Variants in ZNF385C observed in about 807,000 individuals in gnomAD.
The protein encoded by ZNF385C is CTD-2132N18.2.
A neutral mutation model predicts 35.4 loss-of-function variants in ZNF385C; 28 were observed. That is an observed-to-expected ratio of 0.79 (90% confidence interval 0.59 to 1.08). The LOEUF (loss-of-function observed/expected upper bound fraction) is 1.08, where lower values mean the gene tolerates loss of function less well. ZNF385C is among the 50% of genes least tolerant of loss of function. The probability of loss-of-function intolerance (pLI) is 0.00; values close to 1 mark genes in which losing one functional copy is unlikely to be tolerated. For missense variants in ZNF385C, 605 were observed against 595.6 expected (o/e 1.02, Z -0.16); for synonymous variants, 248 against 248.2 (o/e 1.00, Z 0.01).
At chr17:42,067,073 A>T (rs1364009576) in intron 1 of ZNF385C, among the ~76,000 whole-genome samples, 1 of 149,924 alleles carries the variant, frequency 6.7e-6, no homozygotes, top group Non-Finnish European at 1.5e-5. Flanking sequence ...CGTCTCAGAA[A>T]AAAAAAAAAG....
intron 7 of ZNF385C, 67 bp from the exon 8 acceptor site, chr17:42,027,795 C>T (rs1393409167): frequency 9.4e-6 from 14 of 1,496,762 alleles, no homozygotes; most frequent in Admixed American, 1.8e-5. Context: ...CCATCATCCT[C>T]GACTCTTCCC....
rs372631399 is a variant in ZNF385C at position 42,077,925 on chromosome 17, G to A, written c.-2-14867C>T. Among the ~76,000 whole-genome samples, 7 of 152,124 alleles carry A rather than the reference G, an allele frequency of 4.6e-5. No individual in the cohort carries two copies. In the East Asian group the frequency reaches 5.8e-4, roughly 13 times the overall value. On this transcript the variant is annotated intron_variant, in intron 1 of 8. Coordinates refer to ENST00000692273, the MANE Select transcript of ZNF385C (RefSeq NM_001392013.1). The stretch of plus-strand genomic sequence containing the variant: ...CCCAGAGCCACCATGTGCCCAGGGC[G>A]GCTCCCCACTGGTTGCAAATCCCCC...
intron 2 of ZNF385C, among the ~76,000 whole-genome samples, chr17:42,049,417 C>G (rs1483745912): frequency 6.6e-6 from 1 of 152,228 alleles, no homozygotes; most frequent in African/African-American, 2.4e-5. Flanking sequence ...CTAACTTCTT[C>G]ATGTCTGAAT....
intron 5 of ZNF385C, among the ~76,000 whole-genome samples, chr17:42,029,760 G>A (rs544385085): frequency 1.3e-5 from 2 of 151,894 alleles, no homozygotes; most frequent in South Asian, 4.2e-4. Context: ...TGGGCCAGAC[G>A]CAGTGGCTCA....
At chr17:42,089,315 C>CTAAATAAATAAA (rs140225933) in intron 1 of ZNF385C, among the ~76,000 whole-genome samples, 5 of 151,530 alleles carry the variant, frequency 3.3e-5, no homozygotes, top group Non-Finnish European at 7.4e-5. Flanking sequence ...GACCCTGTCT[C>CTAAATAAATAAA]TAAATAAATA....
intron 1 of ZNF385C, among the ~76,000 whole-genome samples, chr17:42,089,613 C>A (rs1396089862): frequency 1.3e-5 from 2 of 152,138 alleles, no homozygotes; most frequent in African/African-American, 4.8e-5. Context: ...GACTAAAATG[C>A]ACAAAAGAAT....
At chr17:42,094,202 C>T (rs541082896) in intron 1 of ZNF385C, among the ~76,000 whole-genome samples, 4 of 152,146 alleles carry the variant, frequency 2.6e-5, no homozygotes, top group East Asian at 3.9e-4. Flanking sequence ...AGGCTGGTTT[C>T]GAACTTCTGA....
chr17:42,040,115 C>T, intron 2 of ZNF385C: 1 of 1,231,378 alleles, frequency 8.1e-7, no homozygotes, highest in Non-Finnish European at 1.0e-6. Context: ...ACCCGCAGCG[C>T]CCCCTCGCCA....
intron 2 of ZNF385C, among the ~76,000 whole-genome samples, chr17:42,042,521 G>GA (rs1312998654): frequency 0.019 from 2,604 of 137,114 alleles, 27 homozygotes; most frequent in Non-Finnish European, 0.027. Context: ...GATTCCTCAA[G>GA]AAAAAAAAAA....
intron 2 of ZNF385C, chr17:42,038,278 G>C (rs1458907823): frequency 3.7e-6 from 2 of 541,536 alleles, no homozygotes; most frequent in Admixed American, 7.2e-5. Flanking sequence ...TCAAACCCAG[G>C]GGTATTAGGA....
rs536616847 is a variant in ZNF385C, at chr17:42,039,889, T to C, written c.251-2004A>G. ...CAGCTCCCGGCTGCGGCCGACCTTG[T>C]CCAGCAGGCCAGCGCCCGCGGGCAG... On this transcript the variant is annotated intron_variant, in intron 2 of 8. Coordinates refer to ENST00000692273, the MANE Select transcript of ZNF385C (RefSeq NM_001392013.1). 1.7e-5 allele frequency: 21 copies of C among 1,231,448 alleles called. No homozygotes were observed. The South Asian group carries it at 4.9e-4, about 29-fold the overall frequency. The allele number at this position is 1,231,448 out of a possible 1,614,324, so 76.3% of individuals were successfully genotyped here. A position where few individuals can be genotyped will look rare whatever the true frequency, so the allele number is the denominator to read the frequency against.
At chr17:42,073,330 A>G (rs1156831783) in intron 1 of ZNF385C, among the ~76,000 whole-genome samples, 5 of 152,094 alleles carry the variant, frequency 3.3e-5, no homozygotes, top group Non-Finnish European at 5.9e-5. Context: ...GCTACTCAGG[A>G]GGCTAAGATG....
chr17:42,039,941 C>T (rs1475317102), intron 2 of ZNF385C: 12 of 1,231,250 alleles, frequency 9.7e-6, no homozygotes, highest in Non-Finnish European at 1.2e-5. Context: ...GCTAGGGCGG[C>T]GAAGTCGGGG....
chr17:42,027,506 C>G, intron 8 of ZNF385C, 112 bp downstream of exon 8: 1 of 904,428 alleles, frequency 1.1e-6, no homozygotes, highest in Non-Finnish European at 1.6e-6. Flanking sequence ...CCAGCAGCCT[C>G]ATTGCAGGGT....
chr17:42,036,379 T>C (rs1555655476), intron 3 of ZNF385C, among the ~76,000 whole-genome samples: 1 of 152,092 alleles, frequency 6.6e-6, no homozygotes, highest in South Asian at 2.1e-4. Context: ...TTGGGCCAAA[T>C]GCAGCTGTCT....
chr17:42,062,282 A>G (rs1226288948), intron 2 of ZNF385C: 1 of 153,066 alleles, frequency 6.5e-6, no homozygotes, highest in Non-Finnish European at 1.5e-5. Context: ...TTCCAAGCTC[A>G]TAGCCAAACC....
intron 1 of ZNF385C, among the ~76,000 whole-genome samples, chr17:42,078,740 G>T (rs1437478069): frequency 1.3e-5 from 2 of 152,180 alleles, no homozygotes; most frequent in African/African-American, 4.8e-5. Context: ...AGAGGCAGGG[G>T]CATGGACAGG....
chr17:42,078,511 A>G (rs1555659450), intron 1 of ZNF385C, among the ~76,000 whole-genome samples: 1 of 151,992 alleles, frequency 6.6e-6, no homozygotes, highest in Admixed American at 6.6e-5. Flanking sequence ...CCTGCTCCTC[A>G]TGTGAGGTTG....
At chr17:42,098,285 CCT>C (rs2053937815) in intron 1 of ZNF385C, 123 bp downstream of exon 1, 1 of 152,320 alleles carries the variant, frequency 6.6e-6, no homozygotes, top group South Asian at 2.1e-4. Context: ...ATAGGGATAT[CCT>C]CACTGTCCCT....
Sources: gnomAD v4.1 joint callset for allele counts (sites outside exome capture counted in the v4.1 genomes callset) on GRCh38, gnomAD v4.1.1 for gene constraint, MANE v1.5 for transcripts, NCBI Gene and HGNC (gene_info 2026-07-23, HGNC 2026-07-21) for gene names.